PTBP3: variants seen among roughly 807,000 people sequenced by gnomAD.
The protein encoded by PTBP3 is polypyrimidine tract-binding protein 3.
In PTBP3, 20 loss-of-function variants were observed where a neutral mutation model predicts 58.7. That is an observed-to-expected ratio of 0.34 (90% CI 0.24 to 0.50). PTBP3 has a LOEUF of 0.50. Among genes scored for constraint, PTBP3 ranks in the 20% least tolerant of loss-of-function variants. The probability of loss-of-function intolerance (pLI) is 0.98; values close to 1 mark genes in which losing one functional copy is unlikely to be tolerated. For synonymous variants in PTBP3, 185 were observed against 219.8 expected (o/e 0.84, Z 1.40); for missense variants, 509 against 637.2 (o/e 0.80, Z 2.17).
chr9:112,334,965 A>G (rs545472423), upstream of PTBP3, among the ~76,000 whole-genome samples: 3 of 152,332 alleles, frequency 2.0e-5, no homozygotes, highest in East Asian at 1.9e-4. Flanking sequence ...TGTTTTGTAT[A>G]TTAAATCTAA....
intron 1 of PTBP3, among the ~76,000 whole-genome samples, chr9:112,330,118 T>A (rs1035243236): frequency 2.0e-5 from 3 of 152,120 alleles, no homozygotes; most frequent in African/African-American, 7.2e-5. Context: ...CCTCCCAAAC[T>A]GCTGGGATTA....
intron 7 of PTBP3, among the ~76,000 whole-genome samples, chr9:112,249,452 G>A (rs185372476): frequency 3.9e-5 from 6 of 152,214 alleles, no homozygotes; most frequent in Admixed American, 3.9e-4. Context: ...AGAAAGTAAG[G>A]AGAGTGGTGT....
intron 4 of PTBP3, among the ~76,000 whole-genome samples, chr9:112,265,056 T>C (rs1457643908): frequency 1.3e-5 from 2 of 152,194 alleles, no homozygotes; most frequent in African/African-American, 4.8e-5. Context: ...TATCTCAAAT[T>C]AACTTACAAC....
downstream of PTBP3, chr9:112,218,197 A>T (rs966914149): frequency 6.6e-6 from 1 of 152,272 alleles, no homozygotes; most frequent in Non-Finnish European, 1.5e-5. Flanking sequence ...GGTGCATCAT[A>T]GGAAGATTAG....
At position 112,284,525 on chromosome 9, in the gene PTBP3, A is replaced by G. The variant is rs75054435; in HGVS notation, c.35-8512T>C. Among the ~76,000 whole-genome samples the G allele has an allele frequency of 2.0e-5, 3 of 152,030 alleles. No individual in the cohort carries two copies. The East Asian group carries it at 5.8e-4, about 29-fold the overall frequency. On this transcript the variant is annotated intron_variant, in intron 2 of 13. Transcript: ENST00000374257. ...AGCCTGGCCAACATGACAAAACCCC[A>G]AGTCTGCTAATAGCACAAAAATCAG...
At chr9:112,286,108 A>C (rs555655700) in intron 2 of PTBP3, among the ~76,000 whole-genome samples, 1 of 152,138 alleles carries the variant, frequency 6.6e-6, no homozygotes, top group African/African-American at 2.4e-5. Flanking sequence ...ACTTTTCCTG[A>C]TATTAGTACA....
At chr9:112,289,811 A>T (rs1375277192) in intron 2 of PTBP3, among the ~76,000 whole-genome samples, 1 of 152,220 alleles carries the variant, frequency 6.6e-6, no homozygotes, top group Non-Finnish European at 1.5e-5. Flanking sequence ...ATATATAAAA[A>T]TACAAATTAT....
At chr9:112,334,471 GTATA>G (rs575442135), upstream of PTBP3, among the ~76,000 whole-genome samples, 1 of 152,112 alleles carries the variant, frequency 6.6e-6, no homozygotes, top group Non-Finnish European at 1.5e-5. Context: ...TGAGCAAAAA[GTATA>G]TATATAATAT....
chr9:112,348,603 C>T, the PTBP3 span, among the ~76,000 whole-genome samples: 1 of 152,168 alleles, frequency 6.6e-6, no homozygotes, highest in Non-Finnish European at 1.5e-5. Context: ...AGGCAACCGC[C>T]CGGAAGCATC....
chr9:112,334,307 C>A (rs1729870920), upstream of PTBP3, among the ~76,000 whole-genome samples: 1 of 152,122 alleles, frequency 6.6e-6, no homozygotes, highest in African/African-American at 2.4e-5. Context: ...ATGAAAAATT[C>A]ATTGTACAAA....
chr9:112,300,438 A>C (rs1423600437), intron 1 of PTBP3, among the ~76,000 whole-genome samples: 1 of 152,240 alleles, frequency 6.6e-6, no homozygotes, highest in East Asian at 1.9e-4. Flanking sequence ...CACATAACAC[A>C]GATAAATCTC....
At chr9:112,258,174 TA>T (rs1170479150) in intron 5 of PTBP3, among the ~76,000 whole-genome samples, 1 of 152,226 alleles carries the variant, frequency 6.6e-6, no homozygotes, top group Non-Finnish European at 1.5e-5. Flanking sequence ...AGAAGAGATT[TA>T]TCTATTGGAC....
chr9:112,332,850 T>C, intron 1 of PTBP3: 2 of 1,612,362 alleles, frequency 1.2e-6, no homozygotes, highest in Non-Finnish European at 1.7e-6. Flanking sequence ...CCATGGTCAC[T>C]AAGTCCAGAC....
intron 2 of PTBP3, among the ~76,000 whole-genome samples, chr9:112,286,842 G>A (rs1410376713): frequency 1.3e-5 from 2 of 152,120 alleles, no homozygotes; most frequent in African/African-American, 2.4e-5. Context: ...CAGCTCTTGT[G>A]TGCCTGAAAG....
At chr9:112,258,072 T>A (rs866849670) in intron 5 of PTBP3, among the ~76,000 whole-genome samples, 2 of 152,314 alleles carry the variant, frequency 1.3e-5, no homozygotes, top group South Asian at 2.1e-4. Context: ...CAGAATTTCA[T>A]ATTACTAGGA....
the PTBP3 span, among the ~76,000 whole-genome samples, chr9:112,373,023 T>C: frequency 2.4e-5 from 1 of 41,686 alleles, no homozygotes; most frequent in Admixed American, 3.3e-4. Flanking sequence ...GCCTTCCAAG[T>C]AGCTGGGACT....
intron 1 of PTBP3, among the ~76,000 whole-genome samples, chr9:112,315,790 G>A (rs1194899427): frequency 1.3e-5 from 2 of 152,052 alleles, no homozygotes; most frequent in Non-Finnish European, 2.9e-5. Context: ...TCAAACAGAA[G>A]GGAACACTTT....
chr9:112,294,093 T>C (rs1405825069), intron 2 of PTBP3, among the ~76,000 whole-genome samples: 1 of 152,148 alleles, frequency 6.6e-6, no homozygotes, highest in African/African-American at 2.4e-5. Context: ...CATCAAAAAA[T>C]TAATGGAGAC....
At chr9:112,334,388 A>C (rs894928181), upstream of PTBP3, among the ~76,000 whole-genome samples, 1 of 152,218 alleles carries the variant, frequency 6.6e-6, no homozygotes, top group African/African-American at 2.4e-5. Context: ...ATGAAAATAC[A>C]TATACAAAGA....
Sources: gnomAD v4.1 joint callset for allele counts (sites outside exome capture counted in the v4.1 genomes callset) on GRCh38, gnomAD v4.1.1 for gene constraint, MANE v1.5 for transcripts, NCBI Gene and HGNC (gene_info 2026-07-23, HGNC 2026-07-21) for gene names.